The following PPP2R2B variants were observed in gnomAD, a reference collection of about 807,000 sequenced individuals.
PPP2R2B encodes the protein serine/threonine-protein phosphatase 2A 55 kDa regulatory subunit B beta isoform.
PPP2R2B carries 5 observed loss-of-function variants against 46.0 expected under a neutral mutation model. The observed-to-expected ratio is 0.11, with a 90% CI of 0.06 to 0.23. The LOEUF (loss-of-function observed/expected upper bound fraction) is 0.23. Among genes scored for constraint, PPP2R2B ranks in the 10% least tolerant of loss-of-function variants. The probability of loss-of-function intolerance (pLI) is 1.00; values close to 1 mark genes in which losing one functional copy is unlikely to be tolerated. For missense variants in PPP2R2B, 367 were observed against 575.0 expected (o/e 0.64, Z 3.70); for synonymous variants, 215 against 206.7 (o/e 1.04, Z -0.34).
intron 7 of PPP2R2B, among the ~76,000 whole-genome samples, chr5:146,628,813 G>A (rs1406791801): frequency 1.3e-5 from 2 of 152,168 alleles, no homozygotes; most frequent in Non-Finnish European, 2.9e-5. Flanking sequence ...CACATCCCAT[G>A]ATCACTTCAC....
chr5:147,021,384 G>C (rs545956852), intron 1 of PPP2R2B, among the ~76,000 whole-genome samples: 2 of 152,192 alleles, frequency 1.3e-5, no homozygotes, highest in Non-Finnish European at 2.9e-5. Context: ...TGAGAGTGGA[G>C]AAAGAGTTTG....
intron 1 of PPP2R2B, among the ~76,000 whole-genome samples, chr5:146,908,525 AT>A (rs60166631): frequency 0.023 from 3,324 of 142,768 alleles, 73 homozygotes; most frequent in African/African-American, 0.062. Flanking sequence ...AAATTGTTAG[AT>A]TTTTTTTTTT....
intron 1 of PPP2R2B, among the ~76,000 whole-genome samples, chr5:146,901,164 C>A (rs948169348): frequency 1.3e-5 from 2 of 152,088 alleles, no homozygotes; most frequent in African/African-American, 4.8e-5. Context: ...GACCAAGAAG[C>A]TTCCATTACA....
chr5:146,937,737 A>G (rs1343803885), intron 1 of PPP2R2B, among the ~76,000 whole-genome samples: 1 of 152,078 alleles, frequency 6.6e-6, no homozygotes, highest in Admixed American at 6.6e-5. Context: ...CGCTCGGTAC[A>G]GCTCTTGGTT....
rs17524553 is a variant in PPP2R2B at position 147,081,128 on chromosome 5, T to A, written c.-20A>T. ...CACCATAGTGTGTCCTGGGTGAGTG[T>A]CCCAATTCCTGAAAACAACACAAGG... On this transcript the variant is annotated 5_prime_UTR_variant, in exon 2 of 11. Coordinates refer to the PPP2R2B transcript ENST00000394413. 155,117 of 1,535,316 alleles carry A rather than the reference T, an allele frequency of 0.1. 8,679 individuals are homozygous for A. Among genetic ancestry groups the A allele is most frequent in the Admixed American group, 0.12 (5,995 of 50,982 alleles).
chr5:146,911,838 T>C (rs895192685), intron 1 of PPP2R2B, among the ~76,000 whole-genome samples: 3 of 152,232 alleles, frequency 2.0e-5, no homozygotes, highest in Non-Finnish European at 2.9e-5. Flanking sequence ...GTTGGGTATA[T>C]ACAATGAATA....
At chr5:146,700,871 A>C (rs1055138757) in intron 3 of PPP2R2B, among the ~76,000 whole-genome samples, 174 bp downstream of exon 3, 2 of 152,200 alleles carry the variant, frequency 1.3e-5, no homozygotes, top group African/African-American at 4.8e-5. Flanking sequence ...GCTCTCTTTT[A>C]CAGGGCTTTT....
At chr5:146,933,717 A>G (rs1227508428) in intron 1 of PPP2R2B, among the ~76,000 whole-genome samples, 1 of 150,520 alleles carries the variant, frequency 6.6e-6, no homozygotes, top group Admixed American at 6.6e-5. Context: ...GTTTTAGGGT[A>G]CATGTGCACA....
chr5:146,629,249 T>C (rs951825342), intron 7 of PPP2R2B, among the ~76,000 whole-genome samples: 4 of 152,208 alleles, frequency 2.6e-5, no homozygotes, highest in African/African-American at 9.7e-5. Flanking sequence ...GAATGCTTGG[T>C]CTTTCCATGC....
intron 2 of PPP2R2B, among the ~76,000 whole-genome samples, chr5:146,730,927 T>C (rs1752190886): frequency 6.6e-6 from 1 of 152,136 alleles, no homozygotes; most frequent in Non-Finnish European, 1.5e-5. Context: ...AGCCAAAAGA[T>C]ATTCTCTGCA....
intron 3 of PPP2R2B, 113 bp downstream of exon 3, chr5:146,700,932 T>C: frequency 1.1e-6 from 1 of 948,726 alleles, no homozygotes; most frequent in Non-Finnish European, 1.7e-6. Flanking sequence ...TGGCAGTTTT[T>C]AGTTTTCGAG....
chr5:146,706,628 G>A (rs1388901669), intron 2 of PPP2R2B: 7 of 808,308 alleles, frequency 8.7e-6, no homozygotes, highest in South Asian at 5.3e-5. Flanking sequence ...CTGCGATGCC[G>A]GCCTCCAGGG....
At chr5:147,032,522 C>A (rs1755837543) in intron 1 of PPP2R2B, among the ~76,000 whole-genome samples, 1 of 151,852 alleles carries the variant, frequency 6.6e-6, no homozygotes, top group Non-Finnish European at 1.5e-5. Context: ...TCCCTCTTTC[C>A]CCCGAGTCCC....
At chr5:146,824,160 G>A (rs1455517435) in intron 2 of PPP2R2B, among the ~76,000 whole-genome samples, 1 of 152,176 alleles carries the variant, frequency 6.6e-6, no homozygotes, top group African/African-American at 2.4e-5. Flanking sequence ...AAATCTGATG[G>A]CAACATAATT....
chr5:146,758,221 A>G (rs1249177295), intron 2 of PPP2R2B, among the ~76,000 whole-genome samples: 1 of 152,148 alleles, frequency 6.6e-6, no homozygotes, highest in Admixed American at 6.6e-5. Flanking sequence ...TAGATAACCA[A>G]AATTTCAATG....
At chr5:146,836,601 A>G (rs542146617) in intron 2 of PPP2R2B, among the ~76,000 whole-genome samples, 1 of 152,294 alleles carries the variant, frequency 6.6e-6, no homozygotes, top group East Asian at 1.9e-4. Flanking sequence ...AGAGAGACAG[A>G]GACTTTGAGG....
intron 1 of PPP2R2B, among the ~76,000 whole-genome samples, chr5:146,965,205 A>G (rs1187384016): frequency 2.0e-5 from 3 of 152,224 alleles, no homozygotes; most frequent in African/African-American, 7.2e-5. Context: ...CCTTCAAAAT[A>G]TATAAGATGA....
intron 5 of PPP2R2B, among the ~76,000 whole-genome samples, chr5:146,654,042 T>A (rs1260301111): frequency 6.6e-6 from 1 of 152,194 alleles, no homozygotes; most frequent in Non-Finnish European, 1.5e-5. Flanking sequence ...CATTCTCCCT[T>A]TAAGGCCAGG....
rs181015623 is a variant in PPP2R2B at position 146,699,495 on chromosome 5, C to T, written c.169-1351G>A. On this transcript the variant is annotated intron_variant, in intron 3 of 9. Transcript: ENST00000394411. ...AGAAAATGTGTCCCCCATCATTCTA[C>T]GAATGAATCAGGCTTCCCAAATATT... Among the ~76,000 whole-genome samples the T allele has an allele frequency of 5.9e-5, 9 of 152,228 alleles. No homozygotes were observed. The East Asian group carries it at 1.5e-3, about 26-fold the overall frequency.
Sources: allele counts gnomAD v4.1 joint callset (sites outside exome capture counted in the v4.1 genomes callset), GRCh38; gene constraint gnomAD v4.1.1; transcripts MANE v1.5; gene names NCBI Gene and HGNC (gene_info 2026-07-23, HGNC 2026-07-21).